Variants in MYH11 observed in about 807,000 individuals in gnomAD.
The protein encoded by MYH11 is myosin-11.
Under a neutral mutation model 246.6 loss-of-function variants are expected in MYH11, and 80 were observed. The observed-to-expected ratio is 0.32, with a 90% confidence interval of 0.27 to 0.39. MYH11 has a LOEUF of 0.39. Among genes scored for constraint, MYH11 ranks in the 10% least tolerant of loss-of-function variants. The pLI, the probability that MYH11 is intolerant of heterozygous loss-of-function variation, is 1.00. For synonymous variants in MYH11, 1,071 were observed against 1,015.5 expected (o/e 1.05, Z -1.04); for missense variants, 2,158 against 2,546.8 (o/e 0.85, Z 3.29).
intron 2 of MYH11, among the ~76,000 whole-genome samples, chr16:15,826,954 G>A (rs1224590928): frequency 7.1e-6 from 1 of 140,152 alleles, no homozygotes; most frequent in Non-Finnish European, 1.5e-5. Flanking sequence ...CCAAGGTGGT[G>A]CCATTGCACT....
intron 1 of MYH11, among the ~76,000 whole-genome samples, chr16:15,856,224 T>G (rs1382049888): frequency 6.6e-6 from 1 of 151,196 alleles, no homozygotes; most frequent in Non-Finnish European, 1.5e-5. Flanking sequence ...GAGTTGTTTT[T>G]TTTTTTTTTA....
chr16:15,792,674 C>T (rs1299750626), intron 4 of MYH11: 1 of 152,166 alleles, frequency 6.6e-6, no homozygotes, highest in African/African-American at 2.4e-5. Context: ...TAAACTTTGT[C>T]CTTCCTTGGC....
At chr16:15,774,304 C>A (rs1367557536) in intron 8 of MYH11, among the ~76,000 whole-genome samples, 1 of 152,168 alleles carries the variant, frequency 6.6e-6, no homozygotes, top group Non-Finnish European at 1.5e-5. Flanking sequence ...ATACAAACGG[C>A]CCCTGGGAAT....
chr16:15,811,291 G>C (rs2043132077), intron 3 of MYH11, among the ~76,000 whole-genome samples: 1 of 152,320 alleles, frequency 6.6e-6, no homozygotes, highest in Middle Eastern at 3.4e-3. Context: ...TAAGACACAA[G>C]GCCTATGCTA....
chr16:15,764,994 A>T (rs1187765474), intron 9 of MYH11, among the ~76,000 whole-genome samples: 1 of 152,234 alleles, frequency 6.6e-6, no homozygotes, highest in Non-Finnish European at 1.5e-5. Context: ...GTTACTGTTA[A>T]AATAGTTTCT....
intron 1 of MYH11, among the ~76,000 whole-genome samples, chr16:15,853,815 C>A (rs867197213): frequency 4.6e-5 from 7 of 152,170 alleles, no homozygotes; most frequent in African/African-American, 1.4e-4. Flanking sequence ...TTGAGGTCAG[C>A]GGTTCGAGAC....
intron 9 of MYH11, among the ~76,000 whole-genome samples, chr16:15,770,402 C>T (rs948959892): frequency 1.3e-5 from 2 of 152,170 alleles, no homozygotes; most frequent in African/African-American, 4.8e-5. Flanking sequence ...AAGAGATTAA[C>T]CTTCAACACT....
chr16:15,745,197 C>A lies in MYH11; in HGVS notation c.2452G>T (p.Val818Leu). The A allele has an allele frequency of 6.2e-7, 1 of 1,614,120 alleles. No individual in the cohort carries two copies. Among genetic ancestry groups the A allele is most frequent in the Non-Finnish European group, 8.5e-7 (1 of 1,180,026 alleles). The change falls in exon 20 of 41, where the codon GTG (valine) becomes TTG (leucine). Residue 818 changes from valine (V) to leucine (L), a missense_variant. Transcript: ENST00000300036. ...TAGGCGGCGCAGTTCCTCTGAATCA[C>A]CTTCATGGCGGTCAGCTGCTGCTGC... ...KRQQQLTAMK[V>L]IQRNCAAYLK...
chr16:15,723,905 C>G (rs1189626953), intron 31 of MYH11, among the ~76,000 whole-genome samples: 1 of 152,172 alleles, frequency 6.6e-6, no homozygotes, highest in Non-Finnish European at 1.5e-5. Context: ...AAGGCATCAC[C>G]ATGTGTGCAG....
At chr16:15,800,455 G>T (rs2042855345) in intron 3 of MYH11, among the ~76,000 whole-genome samples, 1 of 151,504 alleles carries the variant, frequency 6.6e-6, no homozygotes, top group Non-Finnish European at 1.5e-5. Context: ...AGGAGGGAAG[G>T]GTGTGTAGAT....
intron 5 of MYH11, chr16:15,784,684 T>C: frequency 1.2e-6 from 2 of 1,613,722 alleles, no homozygotes. Flanking sequence ...AGGAAAACAC[T>C]CTCAGTTACT....
intron 40 of MYH11, among the ~76,000 whole-genome samples, chr16:15,711,976 G>A (rs952031279): frequency 2.6e-5 from 4 of 152,208 alleles, no homozygotes; most frequent in African/African-American, 9.7e-5. Context: ...TAAGGGGTGA[G>A]CCACTGCACC....
At chr16:15,764,886 G>A (rs999606928) in intron 9 of MYH11, among the ~76,000 whole-genome samples, 7 of 152,222 alleles carry the variant, frequency 4.6e-5, no homozygotes, top group Non-Finnish European at 8.8e-5. Flanking sequence ...GGATGAAGAA[G>A]ATATACATTT....
At chr16:15,758,786 C>T (rs1427463113) in intron 12 of MYH11, among the ~76,000 whole-genome samples, 3 of 149,120 alleles carry the variant, frequency 2.0e-5, no homozygotes, top group African/African-American at 7.4e-5. Flanking sequence ...GGCAACAGAG[C>T]GAGACTCTGT....
intron 3 of MYH11, among the ~76,000 whole-genome samples, chr16:15,810,618 C>A (rs969935650): frequency 6.6e-6 from 1 of 152,236 alleles, no homozygotes; most frequent in Middle Eastern, 3.4e-3. Context: ...GGCTGTACCC[C>A]TTCCTGGAGA....
At chr16:15,779,346 T>C (rs1465747010) in intron 6 of MYH11, 1 of 230,250 alleles carries the variant, frequency 4.3e-6, no homozygotes, top group Non-Finnish European at 8.7e-6. Flanking sequence ...CTCACTGTGT[T>C]GTCCAGGTTG....
rs145929498 is a variant in MYH11, at chr16:15,811,542, T to C, written c.502+11713A>G. ...CTAGTGAGGGCCGAGCAATGTGGGA[T>C]TGATGGAGCAGTGAACCCAGGTCCT... is the stretch of plus-strand genomic sequence containing the variant. On this transcript the variant is annotated intron_variant, in intron 3 of 40. Transcript: ENST00000300036. Among the ~76,000 whole-genome samples, 294 of 152,126 alleles carry C rather than the reference T, an allele frequency of 1.9e-3. 2 individuals are homozygous for C. Among genetic ancestry groups the C allele is most frequent in the Middle Eastern group, 0.014 (4 of 292 alleles).
At chr16:15,760,130 A>C (rs899749608) in intron 11 of MYH11, among the ~76,000 whole-genome samples, 2 of 152,116 alleles carry the variant, frequency 1.3e-5, no homozygotes, top group African/African-American at 4.8e-5. Context: ...ACAAAACCTG[A>C]CATGGGACTG....
At chr16:15,737,041 A>G (rs1180973938) in intron 25 of MYH11, among the ~76,000 whole-genome samples, 1 of 152,070 alleles carries the variant, frequency 6.6e-6, no homozygotes, top group Non-Finnish European at 1.5e-5. Flanking sequence ...TGTTCACAAA[A>G]AAGAGGGCCC....
Sources: allele counts gnomAD v4.1 joint callset (sites outside exome capture counted in the v4.1 genomes callset), GRCh38; gene constraint gnomAD v4.1.1; transcripts MANE v1.5; gene names NCBI Gene and HGNC (gene_info 2026-07-23, HGNC 2026-07-21).